Variants in DNAJC27 observed in about 807,000 individuals in gnomAD.
The protein encoded by DNAJC27 is DnaJ heat shock protein family (Hsp40) member C27, also known as dnaJ homolog subfamily C member 27.
DNAJC27 carries 25 observed loss-of-function variants against 31.4 expected under a neutral mutation model. The ratio of observed to expected loss-of-function variants is 0.80; its 90% confidence interval spans 0.58 to 1.11. The LOEUF (loss-of-function observed/expected upper bound fraction) is 1.11. Ranked by LOEUF, DNAJC27 falls within the 50% of genes most tolerant of loss-of-function variation. The pLI, the probability that DNAJC27 is intolerant of heterozygous loss-of-function variation, is 0.00. For missense variants in DNAJC27, 356 were observed against 347.3 expected (o/e 1.02, Z -0.20); for synonymous variants, 106 against 112.7 (o/e 0.94, Z 0.37).
At chr2:24,956,975 A>G (rs929973632) in intron 5 of DNAJC27, 68 bp downstream of exon 5, 2 of 1,555,002 alleles carry the variant, frequency 1.3e-6, no homozygotes, top group South Asian at 1.2e-5. Context: ...TTTGCTTCCT[A>G]TAATTTAAAC....
In DNAJC27 at chr2:24,967,389, T is replaced by C. The variant is rs1195895388; in HGVS notation, c.88-96A>G. ...TCATTATGGTTCCTCCATTCATCAC[T>C]ATGAAAAAGCATTTTCAAAAGACAA... On this transcript the variant is annotated intron_variant, in intron 1 of 6. Transcript: ENST00000264711. The C allele has an allele frequency of 6.1e-6, 6 of 978,934 alleles. No individual in the cohort carries two copies. In the African/African-American group the frequency reaches 1.0e-4, roughly 17 times the overall value. 60.6% of individuals were successfully genotyped at this position (978,934 alleles called of 1,614,324 possible). A position where few individuals can be genotyped will look rare whatever the true frequency, so the allele number is the denominator to read the frequency against.
In DNAJC27 at chr2:24,954,120, A is replaced by G. The variant is rs548973814; in HGVS notation, c.529-2566T>C. On this transcript the variant is annotated intron_variant, in intron 5 of 6. Coordinates refer to ENST00000264711, the MANE Select transcript of DNAJC27 (RefSeq NM_016544.3). ...GACTCTGCAGAGCAGGCCATTGGAG[A>G]GGAGAGAGCTGTGCAGAGCTGGGCA... Among the ~76,000 whole-genome samples, 378 of 152,220 alleles carry G rather than the reference A, an allele frequency of 2.5e-3. 2 individuals are homozygous for G. The highest frequency in any genetic ancestry group is 8.7e-3 in the African/African-American group (363 of 41,530).
Position 24,971,913 on chromosome 2 carries a change from C to T in DNAJC27, c.-9G>A, listed in dbSNP as rs1285950004. 2.5e-6 allele frequency: 4 copies of T among 1,576,758 alleles called. No homozygotes were observed. Among genetic ancestry groups the T allele is most frequent in the African/African-American group, 1.4e-5 (1 of 73,250 alleles). On this transcript the variant is annotated 5_prime_UTR_variant, in exon 1 of 7. Coordinates refer to ENST00000264711, the MANE Select transcript of DNAJC27 (RefSeq NM_016544.3). ...GGCATGTTGGCCTCCATGGCCCTGG[C>T]TCTCTCGGGGCCACCCGCCTCGGTC... is the stretch of plus-strand genomic sequence containing the variant.
intron 2 of DNAJC27, among the ~76,000 whole-genome samples, chr2:24,964,183 G>A (rs1666119401): frequency 6.6e-6 from 1 of 152,052 alleles, no homozygotes; most frequent in Non-Finnish European, 1.5e-5. Flanking sequence ...CACTGTGGGA[G>A]GCCGAGATGG....
intron 3 of DNAJC27, among the ~76,000 whole-genome samples, chr2:24,958,189 C>T (rs1665953888): frequency 6.6e-6 from 1 of 152,168 alleles, no homozygotes; most frequent in Non-Finnish European, 1.5e-5. Context: ...TGGAAAACAA[C>T]AGCCTCCTGC....
At chr2:24,957,721 A>T (rs1384654617) in intron 4 of DNAJC27, 89 bp downstream of exon 4, 2 of 1,236,664 alleles carry the variant, frequency 1.6e-6, no homozygotes, top group Non-Finnish European at 2.3e-6. Flanking sequence ...ATTACACAAT[A>T]AGGAATTTTT....
At chr2:24,958,639 T>C in intron 3 of DNAJC27, 1 of 314,178 alleles carries the variant, frequency 3.2e-6, no homozygotes, top group South Asian at 2.7e-5. Flanking sequence ...TTCACAGGGT[T>C]ATTATGATGG....
chr2:24,948,417 A>G (rs761340762), intron 6 of DNAJC27, among the ~76,000 whole-genome samples: 4 of 152,148 alleles, frequency 2.6e-5, no homozygotes, highest in Non-Finnish European at 5.9e-5. Flanking sequence ...CCAGGAGGAG[A>G]AGATGAAAAG....
At position 24,944,243 on chromosome 2, in the gene DNAJC27, T is replaced by C. The variant is rs1665593722; in HGVS notation, c.*3373A>G. The C allele has an allele frequency of 6.6e-6, 1 of 152,208 alleles. No homozygotes were observed. Among genetic ancestry groups the C allele is most frequent in the African/African-American group, 2.4e-5 (1 of 41,442 alleles). 9.4% of individuals were successfully genotyped at this position (152,208 alleles called of 1,614,324 possible). A position where few individuals can be genotyped will look rare whatever the true frequency, so the allele number is the denominator to read the frequency against. ...GGAATTAGTTGTAAGACGCGCACTG[T>C]CACTGTCAAAGGCAACAAGCACATG... is the stretch of plus-strand genomic sequence containing the variant. On this transcript the variant is annotated 3_prime_UTR_variant, in exon 7 of 7. Coordinates refer to ENST00000264711, the MANE Select transcript of DNAJC27 (RefSeq NM_016544.3).
In DNAJC27 at chr2:24,971,927, C is replaced by G; in HGVS notation, c.-23G>C. On this transcript the variant is annotated 5_prime_UTR_variant, in exon 1 of 7. Transcript: ENST00000264711. ...CATGGCCCTGGCTCTCTCGGGGCCA[C>G]CCGCCTCGGTCTCTTCTTGTGCACC... The G allele has an allele frequency of 6.5e-7, 1 of 1,543,702 alleles. No individual in the cohort carries two copies. Among genetic ancestry groups the G allele is most frequent in the South Asian group, 1.2e-5 (1 of 84,276 alleles).
chr2:24,967,647 C>G (rs995060742), intron 1 of DNAJC27, among the ~76,000 whole-genome samples: 7 of 150,966 alleles, frequency 4.6e-5, no homozygotes, highest in African/African-American at 1.7e-4. Context: ...TTGCAGTGAG[C>G]TGAGATTGCT....
At chr2:24,963,671 T>C (rs1666106842) in intron 2 of DNAJC27, among the ~76,000 whole-genome samples, 197 bp from the exon 3 acceptor site, 1 of 152,246 alleles carries the variant, frequency 6.6e-6, no homozygotes. Flanking sequence ...CCAAGAACAC[T>C]GAACCCACAT....
In DNAJC27 at chr2:24,966,336, A is replaced by G. The variant is rs149722968; in HGVS notation, c.170+875T>C. Among the ~76,000 whole-genome samples the G allele has an allele frequency of 2.6e-5, 4 of 152,354 alleles. No individual in the cohort carries two copies. In the East Asian group the frequency reaches 5.8e-4, roughly 22 times the overall value. ...AAATTTCATGTTTAAGGAGTATGCT[A>G]TCTACCCCAATTCTACTGTATGGGT... On this transcript the variant is annotated intron_variant, in intron 2 of 6. Coordinates refer to ENST00000264711, the MANE Select transcript of DNAJC27 (RefSeq NM_016544.3).
chr2:24,955,915 G>A (rs1438443379), intron 5 of DNAJC27, among the ~76,000 whole-genome samples: 1 of 152,200 alleles, frequency 6.6e-6, no homozygotes, highest in Non-Finnish European at 1.5e-5. Context: ...TCCATGAGAT[G>A]AAATGTGTAA....
At chr2:24,951,371 A>C (rs1213072320) in intron 6 of DNAJC27, 23 bp downstream of exon 6, 1 of 1,601,386 alleles carries the variant, frequency 6.2e-7, no homozygotes, top group Non-Finnish European at 8.5e-7. Context: ...AGCAATCAGC[A>C]CTAAGTATCC....
At chr2:24,948,431 G>C (rs1339094531) in intron 6 of DNAJC27, among the ~76,000 whole-genome samples, 1 of 152,146 alleles carries the variant, frequency 6.6e-6, no homozygotes, top group Non-Finnish European at 1.5e-5. Context: ...TGAAAAGAAA[G>C]GGGCTGAAAT....
Position 24,957,090 on chromosome 2 carries a change from A to G in DNAJC27, c.481T>C (p.Phe161Leu), listed in dbSNP as rs201364823. 1.2e-6 allele frequency: 2 copies of G among 1,610,370 alleles called. No individual in the cohort carries two copies. The highest frequency in any genetic ancestry group is 1.7e-6 in the Non-Finnish European group (2 of 1,178,772). ...LWAESKGFLY[F>L]ETSAQTGEGI... ...TCTCCAGTTTGTGCTGAAGTTTCAA[A>G]GTACAGGAACCCTTTGCTTTCAGCC... Residue 161 changes from phenylalanine to leucine, a missense_variant, in exon 5 of 7, where the codon TTT becomes CTT. Physicochemically the swap from Phe to Leu is conservative, Grantham distance 22. Transcript: ENST00000264711.
chr2:24,962,775 A>G (rs1666081199), intron 3 of DNAJC27, among the ~76,000 whole-genome samples: 1 of 152,178 alleles, frequency 6.6e-6, no homozygotes, highest in Non-Finnish European at 1.5e-5. Flanking sequence ...ATCTAAAACA[A>G]AAAGAGCAAA....
chr2:24,958,553 T>C, intron 3 of DNAJC27: 1 of 418,646 alleles, frequency 2.4e-6, no homozygotes, highest in Non-Finnish European at 5.0e-6. Flanking sequence ...TTACTAGTTT[T>C]GTGATCTTGG....
Sources: allele counts gnomAD v4.1 joint callset (sites outside exome capture counted in the v4.1 genomes callset), GRCh38; gene constraint gnomAD v4.1.1; transcripts MANE v1.5; gene names NCBI Gene and HGNC (gene_info 2026-07-23, HGNC 2026-07-21).